WDR75: variants seen among roughly 807,000 people sequenced by gnomAD.
The protein encoded by WDR75 is WD repeat-containing protein 75.
WDR75 carries 52 observed loss-of-function variants against 106.1 expected under a neutral mutation model. That is an observed-to-expected ratio of 0.49 (90% CI 0.39 to 0.62). The LOEUF (loss-of-function observed/expected upper bound fraction) is 0.62, where lower values mean the gene tolerates loss of function less well. WDR75 is among the 20% of genes least tolerant of loss of function. The probability of loss-of-function intolerance (pLI) is 0.00; values close to 1 mark genes in which losing one functional copy is unlikely to be tolerated. For synonymous variants in WDR75, 333 were observed against 335.5 expected, an observed-to-expected ratio of 0.99 and a Z score of 0.08; for missense variants, 905 against 970.3, an observed-to-expected ratio of 0.93 and a Z score of 0.89.
chr2:189,453,208 A>T (rs13405157), intron 4 of WDR75, among the ~76,000 whole-genome samples: 2 of 152,132 alleles, frequency 1.3e-5, no homozygotes, highest in Admixed American at 6.6e-5. Context: ...TCGGTTTCGT[A>T]TGTTGAATAC....
chr2:189,475,157 A>G, intron 20 of WDR75, 56 bp from the exon 21 acceptor site: 1 of 1,327,414 alleles, frequency 7.5e-7, no homozygotes, highest in Non-Finnish European at 1.0e-6. Context: ...CAAATTAGAA[A>G]GTTACTGTTT....
In WDR75 at chr2:189,470,096, G is replaced by C; in HGVS notation, c.1840G>C (p.Glu614Gln). The C allele has an allele frequency of 1.9e-6, 3 of 1,611,662 alleles. No homozygotes were observed. Among genetic ancestry groups the C allele is most frequent in the Non-Finnish European group, 2.5e-6 (3 of 1,178,952 alleles). The change falls in exon 17 of 21, where the codon GAG becomes CAG. Residue 614 changes from glutamate to glutamine, a missense_variant. Transcript: ENST00000314761. ...TCTAGTGTTTGTATTTAAACCTAGTGAGCCAAGGCCATTGTATATTCAAAA... is the reference window on the plus strand; with the variant it reads ...TCTAGTGTTTGTATTTAAACCTAGTCAGCCAAGGCCATTGTATATTCAAAA... ...GSDLFVFKPS[E>Q]PRPLYIQKGI...
At chr2:189,446,243 G>T (rs1468717801) in intron 1 of WDR75, among the ~76,000 whole-genome samples, 3 of 152,204 alleles carry the variant, frequency 2.0e-5, no homozygotes, top group Non-Finnish European at 4.4e-5. Flanking sequence ...AGGGAAAACA[G>T]TGAAGGATTT....
In WDR75 at chr2:189,463,883, A is replaced by C; in HGVS notation, c.1035A>C (p.Arg345Ser). The change falls in exon 11 of 21, where the codon AGA (arginine) becomes AGC (serine). Residue 345 changes from arginine (R) to serine (S), a missense_variant. Arg to Ser is a moderately radical substitution (Grantham distance 110, BLOSUM62 -1). Transcript: ENST00000314761. ...TCACTGGTTTGATGATTGATCCAAG[A>C]ACTAAAGCTTTGGTTTTGAATGGAA... Reference protein sequence around the residue: ...SIFTGLMIDPRTKALVLNGKP... With the variant: ...SIFTGLMIDPSTKALVLNGKP... 1.2e-6 allele frequency: 2 copies of C among 1,613,936 alleles called. No homozygotes were observed. Among genetic ancestry groups the C allele is most frequent in the Non-Finnish European group, 8.5e-7 (1 of 1,179,858 alleles).
chr2:189,464,034 T>C (rs1244681785), intron 11 of WDR75, 73 bp downstream of exon 11: 2 of 1,247,332 alleles, frequency 1.6e-6, no homozygotes, highest in Non-Finnish European at 2.3e-6. Context: ...GCAATTTGTT[T>C]AGTAGCTTTT....
chr2:189,451,679 C>A, intron 3 of WDR75, 126 bp from the exon 4 acceptor site: 1 of 725,526 alleles, frequency 1.4e-6, no homozygotes, highest in Non-Finnish European at 2.3e-6. Context: ...CTTCTGTAGG[C>A]CAGGTACTCT....
chr2:189,466,903 GA>G (rs1687013656), intron 13 of WDR75, among the ~76,000 whole-genome samples: 2 of 152,144 alleles, frequency 1.3e-5, no homozygotes, highest in South Asian at 4.1e-4. Context: ...ATAAATTTCA[GA>G]ACAGTCAGTA....
intron 6 of WDR75, among the ~76,000 whole-genome samples, chr2:189,457,734 G>A (rs1686769036): frequency 6.6e-6 from 1 of 151,948 alleles, no homozygotes; most frequent in African/African-American, 2.4e-5. Context: ...AGTTTTAATT[G>A]GATCAGATTT....
chr2:189,449,319 G>A, intron 2 of WDR75: 1 of 1,302,742 alleles, frequency 7.7e-7, no homozygotes, highest in South Asian at 1.2e-5. Flanking sequence ...AGGAAATAAA[G>A]TAGCACCGAT....
chr2:189,460,877 C>T (rs1686865711), intron 8 of WDR75, among the ~76,000 whole-genome samples: 1 of 152,074 alleles, frequency 6.6e-6, no homozygotes, highest in Non-Finnish European at 1.5e-5. Context: ...GGTTACAGTA[C>T]ATAGTTGTCA....
At chr2:189,461,183 A>G (rs1686873908) in intron 8 of WDR75, among the ~76,000 whole-genome samples, 1 of 152,244 alleles carries the variant, frequency 6.6e-6, no homozygotes, top group Non-Finnish European at 1.5e-5. Context: ...CTTTAAAACC[A>G]GTTGTTTTAG....
At chr2:189,450,716 C>G (rs1236215093) in intron 2 of WDR75, 187 bp from the exon 3 acceptor site, 1 of 1,395,882 alleles carries the variant, frequency 7.2e-7, no homozygotes, top group East Asian at 2.9e-5. Context: ...ATGGATGGAT[C>G]TGCTTCTTGC....
chr2:189,448,007 C>A (rs771951601), intron 1 of WDR75, among the ~76,000 whole-genome samples: 6 of 152,138 alleles, frequency 3.9e-5, no homozygotes, highest in African/African-American at 1.2e-4. Context: ...ATAAGTCTCA[C>A]GAGAGCTGAT....
In WDR75 at chr2:189,470,803, A is replaced by C. The variant is rs763923502; in HGVS notation, c.1990-16A>C. On this transcript the variant is annotated splice_polypyrimidine_tract_variant and intron_variant, in intron 17 of 20. Transcript: ENST00000314761. ...TCTACAGTTTGTCTTTTGCATCATT[A>C]ATTCTCTCTTTTCAGAGTTTATTGA... is the stretch of plus-strand genomic sequence containing the variant. 3.8e-6 allele frequency: 6 copies of C among 1,575,094 alleles called. No individual in the cohort carries two copies. The highest frequency in any genetic ancestry group is 4.3e-6 in the Non-Finnish European group (5 of 1,162,052).
chr2:189,467,268 G>A lies in WDR75; in HGVS notation c.1448-200G>A, dbSNP rs980434681. The stretch of plus-strand genomic sequence containing the variant: ...ATATACTGTAATAAAAAGTGAATAT[G>A]TGCATGCTCTGTGTCTGCCTTTCTC... On this transcript the variant is annotated intron_variant, in intron 13 of 20. Coordinates refer to ENST00000314761, the MANE Select transcript of WDR75 (RefSeq NM_032168.3). Among the ~76,000 whole-genome samples, 5 of 151,892 alleles carry A rather than the reference G, an allele frequency of 3.3e-5. No homozygotes were observed. The South Asian group carries it at 1.0e-3, about 31-fold the overall frequency.
At chr2:189,452,185 C>A (rs1258958855) in intron 4 of WDR75, 3 of 300,968 alleles carry the variant, frequency 1.0e-5, no homozygotes, top group East Asian at 1.6e-4. Context: ...GAACTTAAAT[C>A]TGTTATTAAG....
chr2:189,454,655 G>A (rs936684087), intron 4 of WDR75, among the ~76,000 whole-genome samples: 2 of 151,790 alleles, frequency 1.3e-5, no homozygotes, highest in Non-Finnish European at 2.9e-5. Flanking sequence ...CCGAGTAGCT[G>A]GGACTACAGG....
At position 189,462,469 on chromosome 2, in the gene WDR75, T is replaced by C. The variant is rs1390621677; in HGVS notation, c.779-15T>C. 6.2e-7 allele frequency: 1 copy of C among 1,607,484 alleles called. No individual in the cohort carries two copies. On this transcript the variant is annotated splice_polypyrimidine_tract_variant and intron_variant, in intron 8 of 20. Transcript: ENST00000314761. ...CAAAACACCATCCTTTTAATTTCCT[T>C]GAATGGATATGAAGGCACCAGTCTG...
chr2:189,445,957 CAAG>C (rs1360900550), intron 1 of WDR75, among the ~76,000 whole-genome samples: 20 of 152,230 alleles, frequency 1.3e-4, no homozygotes, highest in African/African-American at 4.8e-4. Flanking sequence ...TGCTGAGAAA[CAAG>C]AAGAGAGGAT....
Sources: gnomAD v4.1 joint callset for allele counts (sites outside exome capture counted in the v4.1 genomes callset) on GRCh38, gnomAD v4.1.1 for gene constraint, MANE v1.5 for transcripts, NCBI Gene and HGNC (gene_info 2026-07-23, HGNC 2026-07-21) for gene names.